COL14A1: variants seen among roughly 807,000 people sequenced by gnomAD.
The protein encoded by COL14A1 is collagen alpha-1(XIV) chain.
A neutral mutation model predicts 230.3 loss-of-function variants in COL14A1; 136 were observed. The ratio of observed to expected loss-of-function variants is 0.59; its 90% CI spans 0.51 to 0.68. COL14A1 has a LOEUF of 0.68. Ranked by LOEUF, COL14A1 falls within the 30% of genes least tolerant of loss-of-function variation. The pLI, the probability that COL14A1 is intolerant of heterozygous loss-of-function variation, is 0.00. For missense variants in COL14A1, 1,976 were observed against 2,215.8 expected (o/e 0.89, Z 2.17); for synonymous variants, 792 against 784.1 (o/e 1.01, Z -0.17).
intron 5 of COL14A1, among the ~76,000 whole-genome samples, chr8:120,190,776 G>A (rs1372378729): frequency 1.3e-5 from 2 of 152,038 alleles, no homozygotes; most frequent in Non-Finnish European, 2.9e-5. Flanking sequence ...GTCTTGGGAG[G>A]GTGTATGTGT....
chr8:120,317,781 C>T (rs1821284178), intron 40 of COL14A1, among the ~76,000 whole-genome samples: 1 of 152,084 alleles, frequency 6.6e-6, no homozygotes, highest in Non-Finnish European at 1.5e-5. Flanking sequence ...TTTTGCTATC[C>T]CTCCAAATGT....
intron 40 of COL14A1, among the ~76,000 whole-genome samples, chr8:120,325,173 A>C (rs1214226786): frequency 2.0e-5 from 3 of 152,236 alleles, no homozygotes; most frequent in African/African-American, 7.2e-5. Flanking sequence ...AGCCAACCAT[A>C]ACTTAATAAG....
chr8:120,186,514 T>G (rs937615116), intron 5 of COL14A1, among the ~76,000 whole-genome samples: 4 of 152,234 alleles, frequency 2.6e-5, no homozygotes, highest in African/African-American at 9.6e-5. Context: ...TTGTGAGGTT[T>G]TCTGACTGAG....
At chr8:120,281,723 A>G (rs60926922) in intron 31 of COL14A1, among the ~76,000 whole-genome samples, 4,095 of 152,228 alleles carry the variant, frequency 0.027, 185 homozygotes, top group African/African-American at 0.093. Flanking sequence ...AAACACAAAG[A>G]AGCTAAATGA....
At chr8:120,199,791 AG>A (rs1366421620) in intron 8 of COL14A1, among the ~76,000 whole-genome samples, 2 of 152,008 alleles carry the variant, frequency 1.3e-5, no homozygotes, top group Non-Finnish European at 2.9e-5. Flanking sequence ...TTTCTAAGTG[AG>A]GTGTCATATA....
At chr8:120,191,933 G>A (rs1437529663) in intron 5 of COL14A1, among the ~76,000 whole-genome samples, 7 of 151,864 alleles carry the variant, frequency 4.6e-5, no homozygotes, top group Admixed American at 1.3e-4. Flanking sequence ...TTGAGCCTAT[G>A]TATGTCTCTG....
chr8:120,341,484 C>T, intron 43 of COL14A1, 124 bp downstream of exon 43: 1 of 1,057,246 alleles, frequency 9.5e-7, no homozygotes, highest in Non-Finnish European at 1.4e-6. Context: ...GTCTCTGTTT[C>T]TCCCTTTCCC....
chr8:120,176,847 T>TCC (rs1029434118), intron 5 of COL14A1, among the ~76,000 whole-genome samples: 49 of 152,182 alleles, frequency 3.2e-4, no homozygotes, highest in African/African-American at 3.4e-4. Flanking sequence ...TTTCTCCTCC[T>TCC]CCCTTTCCTT....
At chr8:120,270,266 G>T (rs1819620801) in intron 26 of COL14A1, 92 bp downstream of exon 26, 1 of 1,267,700 alleles carries the variant, frequency 7.9e-7, no homozygotes, top group African/African-American at 1.5e-5. Context: ...TATAGGTCAA[G>T]AACTGTAATG....
intron 26 of COL14A1, 89 bp downstream of exon 26, chr8:120,270,263 C>T: frequency 7.6e-7 from 1 of 1,307,922 alleles, no homozygotes; most frequent in South Asian, 1.5e-5. Context: ...GACTATAGGT[C>T]AAGAACTGTA....
intron 2 of COL14A1, among the ~76,000 whole-genome samples, chr8:120,148,144 CTTTTTTTT>C (rs59311466): frequency 8.1e-6 from 1 of 122,980 alleles, no homozygotes; most frequent in Non-Finnish European, 1.8e-5. Context: ...ATAGGTCATT[CTTTTTTTT>C]TTTTTTTTTT....
chr8:120,278,145 C>T lies in COL14A1; in HGVS notation c.3248C>T (p.Thr1083Ile). ...GTTCAGTTCACTGATGATCCCAGAA[C>T]AGAATTTAAACTAAATGCTTACAAA... The part of the protein sequence containing the change: ...AMVQFTDDPR[T>I]EFKLNAYKTK... The change falls in exon 27 of 48, where the codon ACA (threonine) becomes ATA (isoleucine). Residue 1083 changes from threonine (T) to isoleucine (I), a missense_variant. Coordinates refer to ENST00000297848, the MANE Select transcript of COL14A1 (RefSeq NM_021110.4). 6.2e-7 allele frequency: 1 copy of T among 1,611,428 alleles called. No homozygotes were observed. Among genetic ancestry groups the T allele is most frequent in the Non-Finnish European group, 8.5e-7 (1 of 1,178,742 alleles).
chr8:120,204,779 A>G (rs947300771), intron 9 of COL14A1, among the ~76,000 whole-genome samples: 3 of 152,150 alleles, frequency 2.0e-5, no homozygotes, highest in Non-Finnish European at 2.9e-5. Context: ...GACGGTGGTG[A>G]AAGTCCTGAC....
intron 43 of COL14A1, among the ~76,000 whole-genome samples, chr8:120,341,776 C>T (rs978272085): frequency 3.3e-5 from 5 of 152,180 alleles, no homozygotes; most frequent in African/African-American, 4.8e-5. Context: ...CTCCCAGGTT[C>T]ACACCCAGGA....
intron 23 of COL14A1, 42 bp from the exon 24 acceptor site, chr8:120,262,826 T>G (rs761598343): frequency 6.3e-7 from 1 of 1,576,024 alleles, no homozygotes; most frequent in Non-Finnish European, 8.6e-7. Flanking sequence ...TTTCAAAAAT[T>G]TCATATGTGT....
intron 36 of COL14A1, among the ~76,000 whole-genome samples, chr8:120,301,021 A>G (rs1820693867): frequency 6.6e-6 from 1 of 152,100 alleles, no homozygotes; most frequent in African/African-American, 2.4e-5. Context: ...CCAAGTCTCC[A>G]TGACTCCTAG....
At chr8:120,180,370 C>T (rs1476138402) in intron 5 of COL14A1, among the ~76,000 whole-genome samples, 1 of 152,120 alleles carries the variant, frequency 6.6e-6, no homozygotes, top group African/African-American at 2.4e-5. Context: ...TTTTTTTAGA[C>T]TTCATTTCTC....
At chr8:120,181,465 TG>T (rs1816461822) in intron 5 of COL14A1, among the ~76,000 whole-genome samples, 1 of 152,074 alleles carries the variant, frequency 6.6e-6, no homozygotes, top group Admixed American at 6.6e-5. Flanking sequence ...TCAATGGGAG[TG>T]ACATCCTTGA....
chr8:120,140,543 G>T (rs1477862996), intron 1 of COL14A1, among the ~76,000 whole-genome samples: 1 of 152,058 alleles, frequency 6.6e-6, no homozygotes, highest in Non-Finnish European at 1.5e-5. Flanking sequence ...TAACTAACAA[G>T]AATTTCATTT....
Sources: allele counts gnomAD v4.1 joint callset (sites outside exome capture counted in the v4.1 genomes callset), GRCh38; gene constraint gnomAD v4.1.1; transcripts MANE v1.5; gene names NCBI Gene and HGNC (gene_info 2026-07-23, HGNC 2026-07-21).